CD8B: variants seen among roughly 807,000 people sequenced by gnomAD.
CD8B encodes the protein T-cell surface glycoprotein CD8 beta chain.
A neutral mutation model predicts 24.2 loss-of-function variants in CD8B; 6 were observed. The ratio of observed to expected loss-of-function variants is 0.25; its 90% confidence interval spans 0.14 to 0.49. The LOEUF is 0.49. Ranked by LOEUF, CD8B falls within the 20% of genes least tolerant of loss-of-function variation. The pLI is 0.98. For missense variants in CD8B, 196 were observed against 271.3 expected, an observed-to-expected ratio of 0.72 and a Z score of 1.95; for synonymous variants, 84 against 108.3, an observed-to-expected ratio of 0.78 and a Z score of 1.39.
intron 5 of CD8B, among the ~76,000 whole-genome samples, 153 bp from the exon 6 acceptor site, chr2:86,842,472 C>G (rs1314501434): frequency 2.6e-5 from 4 of 152,156 alleles, no homozygotes; most frequent in African/African-American, 9.7e-5. Flanking sequence ...TAGGGCCCAT[C>G]TTAGTCATTA....
At chr2:86,856,338 G>A (rs1358626433) in intron 2 of CD8B, among the ~76,000 whole-genome samples, 1 of 152,100 alleles carries the variant, frequency 6.6e-6, no homozygotes, top group Non-Finnish European at 1.5e-5. Context: ...GGAAAGGTGT[G>A]GGGCTTACAG....
intron 3 of CD8B, among the ~76,000 whole-genome samples, chr2:86,849,718 T>C (rs1233976033): frequency 6.0e-5 from 9 of 150,876 alleles, no homozygotes; most frequent in African/African-American, 2.2e-4. Flanking sequence ...TTTTTTTTTT[T>C]TTTGAGACAG....
chr2:86,855,130 G>T (rs2104574614), intron 2 of CD8B, among the ~76,000 whole-genome samples: 1 of 152,034 alleles, frequency 6.6e-6, no homozygotes, highest in East Asian at 1.9e-4. Context: ...AAAAAAAAAG[G>T]TTTTGGGGGG....
At chr2:86,832,485 T>TA (rs111687034) in intron 5 of CD8B, among the ~76,000 whole-genome samples, 308 of 143,712 alleles carry the variant, frequency 2.1e-3, no homozygotes, top group East Asian at 7.3e-3. Flanking sequence ...CTCAAAAAAT[T>TA]AAAAAAAAAA....
At chr2:86,837,919 G>A (rs1393681218), downstream of CD8B, among the ~76,000 whole-genome samples, 1 of 152,158 alleles carries the variant, frequency 6.6e-6, no homozygotes, top group Admixed American at 6.5e-5. Flanking sequence ...ACCTAAGGTT[G>A]CTGGAGTGCA....
chr2:86,822,336 T>C, intron 5 of CD8B: 1 of 1,587,692 alleles, frequency 6.3e-7, no homozygotes, highest in Non-Finnish European at 8.6e-7. Context: ...TATTCAGTAG[T>C]CCATTCTGGA....
In CD8B at chr2:86,858,063, T is replaced by G; in HGVS notation, c.397A>C (p.Ser133Arg). ...ELTFGKGTQL[S>R]VVDFLPTTAQ... ...CATTGAGCCTGCTTCTTACCCACAC[T>G]CAGCTGAGTTCCCTTCCCGAAGGTC... The change falls in exon 2 of 6, where the codon AGT (serine) becomes CGT (arginine). Residue 133 changes from serine to arginine, a missense_variant. Physicochemically the swap from Ser to Arg is moderately radical, Grantham distance 110. Transcript: ENST00000390655. 2 of 1,613,682 alleles carry G rather than the reference T, an allele frequency of 1.2e-6. No individual in the cohort carries two copies. Among genetic ancestry groups the G allele is most frequent in the Non-Finnish European group, 1.7e-6 (2 of 1,179,612 alleles).
rs529661709 is a variant in CD8B, at chr2:86,855,761, C to T, written c.403+2296G>A. ...AGTTCTGTTTGACTTATTTTCTACC[C>T]GAGGAAGCAGGGACGTCTTTCAGAT... On this transcript the variant is annotated intron_variant, in intron 2 of 5. Coordinates refer to ENST00000390655, the MANE Select transcript of CD8B (RefSeq NM_004931.5). 1.0e-3 allele frequency among the ~76,000 whole-genome samples: 159 copies of T among 152,250 alleles called. 2 individuals carry two copies. Among genetic ancestry groups the T allele is most frequent in the African/African-American group, 2.9e-3 (120 of 41,548 alleles).
At chr2:86,827,051 C>T (rs1455649996) in intron 5 of CD8B, among the ~76,000 whole-genome samples, 8 of 151,984 alleles carry the variant, frequency 5.3e-5, no homozygotes, top group African/African-American at 1.7e-4. Context: ...CAACTCCTGA[C>T]CTCAGGTGAT....
chr2:86,858,283 C>T lies in CD8B; in HGVS notation c.177G>A (p.Gln59=), dbSNP rs1435468863. The T allele has an allele frequency of 6.2e-7, 1 of 1,614,052 alleles. No homozygotes were observed. Among genetic ancestry groups the T allele is most frequent in the Non-Finnish European group, 8.5e-7 (1 of 1,179,882 alleles). Residue 59 remains glutamine, a synonymous_variant, in exon 2 of 6, where the codon CAG becomes CAA. Coordinates refer to ENST00000390655, the MANE Select transcript of CD8B (RefSeq NM_004931.5). ...NMRIYWLRQR[Q]APSSDSHHEF... ...CGTGGTGACTGTCACTGCTCGGTGC[C>T]TGGCGCTGTCTCAGCCAGTAGATGC...
chr2:86,827,959 G>A (rs1674757555), intron 5 of CD8B, among the ~76,000 whole-genome samples: 1 of 152,152 alleles, frequency 6.6e-6, no homozygotes, highest in African/African-American at 2.4e-5. Flanking sequence ...TGTGCTGGGG[G>A]ATGGGGCAAG....
rs1454430122 is a variant in CD8B, at chr2:86,861,851, C to T, written c.15G>A (p.Leu5=). The T allele has an allele frequency of 2.3e-6, 3 of 1,284,812 alleles. No homozygotes were observed. The East Asian group carries it at 9.4e-5, about 40-fold the overall frequency. The allele number at this position is 1,284,812 out of a possible 1,614,324, so 79.6% of individuals were successfully genotyped here. A position where few individuals can be genotyped will look rare whatever the true frequency, so the allele number is the denominator to read the frequency against. MRPR[L]WLLLAAQLTV... is the part of the protein sequence containing the mutation. ...TCAGCTGCGCGGCCAAGAGGAGCCA[C>T]AGCCGCGGCCGCATCGTGGCGCGCC... The change falls in exon 1 of 6, where the codon CTG becomes CTA. Residue 5 remains leucine (L), a synonymous_variant. Coordinates refer to ENST00000390655, the MANE Select transcript of CD8B (RefSeq NM_004931.5).
At position 86,846,925 on chromosome 2, in the gene CD8B, G is replaced by GTCTTTTTTTTTTTTTTTTTT. The variant is rs1285464744; in HGVS notation, c.494-153_494-152insAAAAAAAAAAAAAAAAAAGA. On this transcript the variant is annotated intron_variant, in intron 3 of 5. Transcript: ENST00000390655. ...TTCGATGTAATGTATTTTTCCTCAA[G>GTCTTTTTTTTTTTTTTTTTT]TATTTTTTTTTTTTTTTTTTTTTTT... The GTCTTTTTTTTTTTTTTTTTT allele has an allele frequency of 1.7e-5, 3 of 176,724 alleles. 1 individual carries two copies. Among genetic ancestry groups the GTCTTTTTTTTTTTTTTTTTT allele is most frequent in the African/African-American group, 3.6e-5 (1 of 27,522 alleles). The allele number at this position is 176,724 out of a possible 1,614,324, so 10.9% of individuals were successfully genotyped here. A position where few individuals can be genotyped will look rare whatever the true frequency, so the allele number is the denominator to read the frequency against.
At chr2:86,861,145 C>T (rs1284642034) in intron 1 of CD8B, among the ~76,000 whole-genome samples, 1 of 152,128 alleles carries the variant, frequency 6.6e-6, no homozygotes, top group Non-Finnish European at 1.5e-5. Context: ...GAGAGCAAAT[C>T]GACCAGTTTG....
At chr2:86,851,879 A>G (rs1433234275) in intron 3 of CD8B, among the ~76,000 whole-genome samples, 1 of 152,228 alleles carries the variant, frequency 6.6e-6, no homozygotes, top group African/African-American at 2.4e-5. Context: ...TGTCTGGTGT[A>G]GCATAGAGAA....
chr2:86,844,832 G>A, intron 5 of CD8B, 90 bp downstream of exon 5: 1 of 1,549,856 alleles, frequency 6.5e-7, no homozygotes, highest in African/African-American at 1.4e-5. Flanking sequence ...TGGAAGATGA[G>A]GTCTGACTTT....
chr2:86,837,590 G>A (rs561141511), downstream of CD8B, among the ~76,000 whole-genome samples: 28 of 149,078 alleles, frequency 1.9e-4, no homozygotes, highest in African/African-American at 6.4e-4. Flanking sequence ...TGGTAGATTC[G>A]GATCAGCTTT....
chr2:86,843,680 G>T, intron 5 of CD8B: 1 of 985,376 alleles, frequency 1.0e-6, no homozygotes, highest in African/African-American at 1.7e-5. Flanking sequence ...TGCACTTGCA[G>T]AGTGGAATTT....
At chr2:86,851,045 C>G (rs555219117) in intron 3 of CD8B, among the ~76,000 whole-genome samples, 1 of 149,438 alleles carries the variant, frequency 6.7e-6, no homozygotes, top group African/African-American at 2.5e-5. Context: ...GAGCTGAGAT[C>G]ACGCCACTGC....
Sources: gnomAD v4.1 joint callset for allele counts (sites outside exome capture counted in the v4.1 genomes callset) on GRCh38, gnomAD v4.1.1 for gene constraint, MANE v1.5 for transcripts, NCBI Gene and HGNC (gene_info 2026-07-23, HGNC 2026-07-21) for gene names.